XRCC6: variants seen among roughly 807,000 people sequenced by gnomAD.
XRCC6 encodes DNA repair protein Ku70.
XRCC6 carries 5 observed loss-of-function variants against 65.7 expected under a neutral mutation model. The ratio of observed to expected loss-of-function variants is 0.08; its 90% confidence interval spans 0.04 to 0.16. XRCC6 has a LOEUF of 0.16. XRCC6 is among the 10% of genes least tolerant of loss of function. The probability of loss-of-function intolerance (pLI) is 1.00; values close to 1 mark genes in which losing one functional copy is unlikely to be tolerated. For missense variants in XRCC6, 447 were observed against 738.1 expected, an observed-to-expected ratio of 0.61 and a Z score of 4.57; for synonymous variants, 270 against 270.6, an observed-to-expected ratio of 1.00 and a Z score of 0.02.
intron 7 of XRCC6, chr22:41,648,064 C>G (rs2067954866): frequency 8.6e-6 from 1 of 116,344 alleles, no homozygotes; most frequent in South Asian, 3.4e-4. Flanking sequence ...CCCCTCCTCT[C>G]CCCTCCTCTC....
intron 6 of XRCC6, among the ~76,000 whole-genome samples, chr22:41,640,162 T>G (rs2067860121): frequency 6.6e-6 from 1 of 151,838 alleles, no homozygotes; most frequent in Admixed American, 6.6e-5. Flanking sequence ...AAGTAGCTTT[T>G]TTTTGAGACA....
At chr22:41,659,933 G>A (rs866509479) in intron 11 of XRCC6, among the ~76,000 whole-genome samples, 2 of 152,112 alleles carry the variant, frequency 1.3e-5, no homozygotes, top group African/African-American at 2.4e-5. Context: ...TGATCCACCC[G>A]CCTCGGCCTC....
At chr22:41,622,850 C>T (rs1437826582) in intron 2 of XRCC6, among the ~76,000 whole-genome samples, 3 of 151,530 alleles carry the variant, frequency 2.0e-5, no homozygotes, top group South Asian at 4.2e-4. Context: ...GAGGCTGAGG[C>T]AGGAGAATGG....
chr22:41,627,018 C>T (rs942852738), intron 2 of XRCC6, among the ~76,000 whole-genome samples: 1 of 152,188 alleles, frequency 6.6e-6, no homozygotes, highest in Non-Finnish European at 1.5e-5. Flanking sequence ...TCAAGTGATC[C>T]TCCCGCCTTG....
chr22:41,657,557 C>T (rs1196807288), intron 10 of XRCC6, among the ~76,000 whole-genome samples: 2 of 149,142 alleles, frequency 1.3e-5, no homozygotes, highest in Non-Finnish European at 3.0e-5. Flanking sequence ...GGTCTCTTGT[C>T]ACCCAGGTTT....
intron 7 of XRCC6, among the ~76,000 whole-genome samples, chr22:41,650,048 T>C (rs557826327): frequency 5.3e-5 from 8 of 151,688 alleles, no homozygotes; most frequent in East Asian, 1.9e-4. Context: ...TAAATAGATA[T>C]GGTTTAAGCA....
chr22:41,661,610 A>C (rs2068100378), intron 12 of XRCC6, 166 bp downstream of exon 12: 1 of 623,850 alleles, frequency 1.6e-6, no homozygotes. Flanking sequence ...TGTGGAGAAA[A>C]GGGAACCCTC....
intron 4 of XRCC6, 121 bp downstream of exon 4, chr22:41,636,372 A>C: frequency 6.7e-7 from 1 of 1,488,050 alleles, no homozygotes; most frequent in Non-Finnish European, 9.0e-7. Context: ...TTCCTCCATA[A>C]GGGGACCTTG....
chr22:41,647,179 G>C (rs555733171), intron 7 of XRCC6, 97 bp downstream of exon 7: 1 of 1,324,644 alleles, frequency 7.5e-7, no homozygotes, highest in Non-Finnish European at 1.0e-6. Context: ...ACTCGCTACA[G>C]CCTTGACCTC....
intron 8 of XRCC6, 44 bp from the exon 9 acceptor site, chr22:41,653,485 G>A (rs766962308): frequency 5.9e-6 from 9 of 1,527,510 alleles, no homozygotes; most frequent in Middle Eastern, 2.4e-4. Context: ...AAGAAAGGAG[G>A]AAACCTTTTT....
chr22:41,650,575 C>T, intron 7 of XRCC6, 148 bp from the exon 8 acceptor site: 2 of 708,974 alleles, frequency 2.8e-6, no homozygotes, highest in Non-Finnish European at 4.7e-6. Context: ...ATGTTAATTC[C>T]CTGTTGGAGA....
chr22:41,621,668 G>T, intron 1 of XRCC6: 1 of 281,142 alleles, frequency 3.6e-6, no homozygotes, highest in Admixed American at 4.9e-5. Flanking sequence ...GAGGACGAGG[G>T]GGTCCGTTAG....
chr22:41,633,703 A>G (rs576690669), intron 3 of XRCC6, among the ~76,000 whole-genome samples: 1 of 152,226 alleles, frequency 6.6e-6, no homozygotes, highest in East Asian at 1.9e-4. Flanking sequence ...CTTTGAGGAT[A>G]TGATGACAGC....
chr22:41,658,187 T>C, intron 10 of XRCC6, 65 bp from the exon 11 acceptor site: 1 of 1,558,914 alleles, frequency 6.4e-7, no homozygotes, highest in South Asian at 1.1e-5. Context: ...TCAGGTGGTT[T>C]TATTCTAATT....
Position 41,622,036 on chromosome 22 carries a change from A to G in XRCC6, c.32A>G (p.Glu11Gly). The G allele has an allele frequency of 6.2e-7, 1 of 1,614,266 alleles. No homozygotes were observed. Among genetic ancestry groups the G allele is most frequent in the Non-Finnish European group, 8.5e-7 (1 of 1,180,040 alleles). Residue 11 changes from glutamate to glycine, a missense_variant, in exon 2 of 13, where the codon GAG becomes GGG. Physicochemically the swap from Glu to Gly is moderately conservative, Grantham distance 98. This residue lies in a region of XRCC6 where 228 missense variants were observed against 307.4 expected (regional missense o/e 0.74). Transcript: ENST00000360079. ...GGGTGGGAGTCATATTACAAAACCG[A>G]GGGCGATGAAGAAGCAGAGGAAGAA... MSGWESYYKTEGDEEAEEEQE... is the reference protein window; with the variant it reads MSGWESYYKTGGDEEAEEEQE...
chr22:41,653,801 A>G, intron 9 of XRCC6, 111 bp downstream of exon 9: 1 of 1,340,346 alleles, frequency 7.5e-7, no homozygotes, highest in South Asian at 1.5e-5. Context: ...ATGGGGCTTA[A>G]AAATGTCTAT....
At chr22:41,631,170 GC>G (rs2067743119) in intron 3 of XRCC6, among the ~76,000 whole-genome samples, 1 of 151,216 alleles carries the variant, frequency 6.6e-6, no homozygotes, top group Non-Finnish European at 1.5e-5. Flanking sequence ...CCCGGACGGG[GC>G]GGCTGGCCAG....
chr22:41,660,757 T>C (rs1421081499), intron 11 of XRCC6, among the ~76,000 whole-genome samples: 1 of 151,528 alleles, frequency 6.6e-6, no homozygotes, highest in Non-Finnish European at 1.5e-5. Context: ...CCAACTCCAC[T>C]GCATCGTTTT....
chr22:41,652,281 A>G (rs559079741), intron 8 of XRCC6, among the ~76,000 whole-genome samples: 1 of 151,642 alleles, frequency 6.6e-6, no homozygotes, highest in Non-Finnish European at 1.5e-5. Context: ...AACACCCCAG[A>G]TTTGACTCGA....
Sources: allele counts gnomAD v4.1 joint callset (sites outside exome capture counted in the v4.1 genomes callset), GRCh38; gene constraint gnomAD v4.1.1; regional missense constraint gnomAD v4.1.1; transcripts MANE v1.5; gene names NCBI Gene and HGNC (gene_info 2026-07-23, HGNC 2026-07-21).